ADAMTS9: variants seen among roughly 807,000 people sequenced by gnomAD.
ADAMTS9 encodes the protein A disintegrin and metalloproteinase with thrombospondin motifs 9.
ADAMTS9 carries 107 observed loss-of-function variants against 257.1 expected under a neutral mutation model. The ratio of observed to expected loss-of-function variants is 0.42; its 90% CI spans 0.36 to 0.49. ADAMTS9 has a LOEUF of 0.49. Ranked by LOEUF, ADAMTS9 falls within the 20% of genes least tolerant of loss-of-function variation. The probability of loss-of-function intolerance (pLI) is 0.03; values close to 1 mark genes in which losing one functional copy is unlikely to be tolerated. For missense variants in ADAMTS9, 2,353 were observed against 2,469.1 expected (o/e 0.95, Z 1.00); for synonymous variants, 982 against 880.9 (o/e 1.11, Z -2.03).
At chr3:64,517,415 G>GGTTTTT (rs2082788746) in intron 39 of ADAMTS9, among the ~76,000 whole-genome samples, 2 of 11,544 alleles carry the variant, frequency 1.7e-4, no homozygotes, top group Admixed American at 1.8e-3. Flanking sequence ...AATTAAAAAT[G>GGTTTTT]GTTTTTTTTT....
intron 28 of ADAMTS9, among the ~76,000 whole-genome samples, chr3:64,590,963 G>A (rs1461180106): frequency 2.0e-5 from 3 of 152,114 alleles, no homozygotes; most frequent in Non-Finnish European, 2.9e-5. Context: ...TTTAATCTGT[G>A]ATTATCTAGA....
chr3:64,577,132 C>T (rs573414990), intron 28 of ADAMTS9, among the ~76,000 whole-genome samples: 2 of 152,214 alleles, frequency 1.3e-5, no homozygotes, highest in African/African-American at 4.8e-5. Flanking sequence ...AATATTTTAC[C>T]GTTGTCTTTC....
chr3:64,618,028 G>C (rs144123053), intron 19 of ADAMTS9, among the ~76,000 whole-genome samples: 1 of 152,036 alleles, frequency 6.6e-6, no homozygotes, highest in Admixed American at 6.6e-5. Context: ...GGTTTGTGTC[G>C]GTGTATTTTT....
chr3:64,546,746 T>C lies in ADAMTS9; in HGVS notation c.5064+12A>G, dbSNP rs1458715310. On this transcript the variant is annotated intron_variant, in intron 32 of 39. Transcript: ENST00000498707. ...AGGGCTTTCAGATTTGAGTGCTCAG[T>C]CTTCTACTTACGCTCCCCCAGTTGC... is the stretch of plus-strand genomic sequence containing the variant. The C allele has an allele frequency of 6.3e-7, 1 of 1,586,140 alleles. No homozygotes were observed. The highest frequency in any genetic ancestry group is 1.3e-5 in the African/African-American group (1 of 74,252).
chr3:64,577,077 G>C (rs1165726025), intron 28 of ADAMTS9, among the ~76,000 whole-genome samples: 1 of 152,178 alleles, frequency 6.6e-6, no homozygotes, highest in African/African-American at 2.4e-5. Flanking sequence ...AGTTATGCAA[G>C]CTATGAAACC....
intron 16 of ADAMTS9, among the ~76,000 whole-genome samples, chr3:64,624,616 C>T (rs1035366511): frequency 1.3e-5 from 2 of 151,982 alleles, no homozygotes; most frequent in Non-Finnish European, 1.5e-5. Flanking sequence ...AAATTGACTC[C>T]CTTTCAGATT....
chr3:64,611,033 G>A (rs1020783082), intron 22 of ADAMTS9, among the ~76,000 whole-genome samples: 10 of 142,498 alleles, frequency 7.0e-5, no homozygotes, highest in East Asian at 2.1e-4. Flanking sequence ...CCGAGATGGC[G>A]CCACTGCACA....
intron 2 of ADAMTS9, among the ~76,000 whole-genome samples, chr3:64,684,469 G>A (rs999380112): frequency 1.3e-5 from 2 of 152,134 alleles, no homozygotes; most frequent in Admixed American, 1.3e-4. Context: ...CCTAGGCGGA[G>A]AACTAGCAAC....
chr3:64,679,485 C>T (rs773886133), intron 3 of ADAMTS9, among the ~76,000 whole-genome samples: 15 of 152,264 alleles, frequency 9.9e-5, no homozygotes, highest in Middle Eastern at 3.4e-3. Flanking sequence ...AAGGATTAAG[C>T]AAGGTGGTAC....
chr3:64,621,055 G>C, intron 19 of ADAMTS9, 59 bp downstream of exon 19: 1 of 1,551,828 alleles, frequency 6.4e-7, no homozygotes, highest in Admixed American at 2.0e-5. Flanking sequence ...CTCCTGCTGG[G>C]ACCTCCTGCA....
At chr3:64,595,086 A>C (rs900652777) in intron 27 of ADAMTS9, among the ~76,000 whole-genome samples, 4 of 152,094 alleles carry the variant, frequency 2.6e-5, no homozygotes, top group African/African-American at 7.2e-5. Flanking sequence ...AAACCAAAAC[A>C]AAACAAAAAT....
intron 28 of ADAMTS9, among the ~76,000 whole-genome samples, chr3:64,585,489 TAA>T (rs1478017153): frequency 6.6e-6 from 1 of 152,166 alleles, no homozygotes; most frequent in East Asian, 1.9e-4. Flanking sequence ...TTTAGCTCAA[TAA>T]ATAGTTTGGA....
intron 26 of ADAMTS9, among the ~76,000 whole-genome samples, chr3:64,599,554 T>C (rs1308587556): frequency 6.6e-6 from 1 of 152,344 alleles, no homozygotes. Flanking sequence ...TCATGGCAGA[T>C]GCCATCTTCA....
At chr3:64,529,695 T>C (rs549702792) in intron 38 of ADAMTS9, among the ~76,000 whole-genome samples, 2 of 152,334 alleles carry the variant, frequency 1.3e-5, no homozygotes, top group South Asian at 4.1e-4. Context: ...GAAGTTTTTG[T>C]GCTTGGCTTC....
At position 64,679,606 on chromosome 3, in the gene ADAMTS9, A is replaced by G. The variant is rs536668124; in HGVS notation, c.679+1595T>C. 1.2e-4 allele frequency among the ~76,000 whole-genome samples: 18 copies of G among 152,348 alleles called. 2 individuals are homozygous for G. The highest frequency in any genetic ancestry group is 3.8e-4 in the African/African-American group (16 of 41,580). On this transcript the variant is annotated intron_variant, in intron 3 of 39. Transcript: ENST00000498707. ...GGGGAGAAGAATATCATGAAGTGTCATTGGTCAATAAATTCATCAGTGAAA... is the reference window on the plus strand; with the variant it reads ...GGGGAGAAGAATATCATGAAGTGTCGTTGGTCAATAAATTCATCAGTGAAA...
chr3:64,564,572 T>C (rs1030825272), intron 29 of ADAMTS9, among the ~76,000 whole-genome samples: 6 of 152,098 alleles, frequency 3.9e-5, no homozygotes, highest in African/African-American at 7.3e-5. Flanking sequence ...ATACAGTATA[T>C]GCTAGTATAC....
At chr3:64,528,053 T>C (rs571726660) in intron 38 of ADAMTS9, among the ~76,000 whole-genome samples, 2 of 152,360 alleles carry the variant, frequency 1.3e-5, no homozygotes, top group South Asian at 4.1e-4. Context: ...GCCCTTGCTC[T>C]AGCCCAGGAA....
intron 6 of ADAMTS9, 48 bp from the exon 7 acceptor site, chr3:64,654,660 T>C: frequency 6.3e-7 from 1 of 1,599,546 alleles, no homozygotes; most frequent in South Asian, 1.1e-5. Flanking sequence ...AGAGTAAATG[T>C]CAATACAAGT....
chr3:64,633,321 G>A, intron 14 of ADAMTS9, 151 bp downstream of exon 14: 1 of 1,176,226 alleles, frequency 8.5e-7, no homozygotes, highest in Non-Finnish European at 1.2e-6. Flanking sequence ...AAGTGATATT[G>A]ATGCTGTTGC....
Sources: allele counts gnomAD v4.1 joint callset (sites outside exome capture counted in the v4.1 genomes callset), GRCh38; gene constraint gnomAD v4.1.1; transcripts MANE v1.5; gene names NCBI Gene and HGNC (gene_info 2026-07-23, HGNC 2026-07-21).